DEFA4: variants seen among roughly 807,000 people sequenced by gnomAD.
DEFA4 encodes corticostatin.
A neutral mutation model predicts 4.4 loss-of-function variants in DEFA4; 8 were observed. That is an observed-to-expected ratio of 1.82 (90% CI 1.07 to 3.29). DEFA4 has a LOEUF of 3.29. Among genes scored for constraint, DEFA4 ranks in the 30% most tolerant of loss-of-function variants. The pLI, the probability that DEFA4 is intolerant of heterozygous loss-of-function variation, is 0.00. For missense variants in DEFA4, 216 were observed against 127.0 expected, an observed-to-expected ratio of 1.70 and a Z score of -3.37; for synonymous variants, 77 against 46.5, an observed-to-expected ratio of 1.66 and a Z score of -2.67.
rs541236824 is a variant in DEFA4, at chr8:6,936,828, T to G, written c.72A>C (p.Ala24=). Residue 24 remains alanine, a synonymous_variant, in exon 2 of 3, where the codon GCA becomes GCC. Coordinates refer to ENST00000297435, the MANE Select transcript of DEFA4 (RefSeq NM_001925.3). ...CCTGGCCTGGAGCCTCATCACCTCT[T>G]GCCTGGAGTGGGCCTGCCCGGACCT... ...ALQVRAGPLQ[A]RGDEAPGQEQ... is the part of the protein sequence containing the mutation. 6.2e-7 allele frequency: 1 copy of G among 1,613,718 alleles called. No individual in the cohort carries two copies. Among genetic ancestry groups the G allele is most frequent in the South Asian group, 1.1e-5 (1 of 90,846 alleles).
In DEFA4 at chr8:6,937,891, C is replaced by T. The variant is rs530355910; in HGVS notation, c.-13+335G>A. On this transcript the variant is annotated intron_variant, in intron 1 of 2. Transcript: ENST00000297435. Reference sequence around the variant, plus strand: ...CTGAATACATAAGGAAGTCAAACAACTCAATAGCAAAAAACAAACAACCTG... The same window carrying T: ...CTGAATACATAAGGAAGTCAAACAATTCAATAGCAAAAAACAAACAACCTG... Among the ~76,000 whole-genome samples, 3 of 152,254 alleles carry T rather than the reference C, an allele frequency of 2.0e-5. No homozygotes were observed. In the South Asian group the frequency reaches 6.2e-4, roughly 32 times the overall value.
At chr8:6,936,253 T>G (rs1420520712) in intron 2 of DEFA4, 112 bp from the exon 3 acceptor site, 1 of 1,401,944 alleles carries the variant, frequency 7.1e-7, no homozygotes, top group African/African-American at 1.4e-5. Flanking sequence ...GCTGCATTAG[T>G]GCCGGTAGCA....
At position 6,935,884 on chromosome 8, in the gene DEFA4, A is replaced by C. The variant is rs964096444; in HGVS notation, c.*136T>G. 43 of 1,201,536 alleles carry C rather than the reference A, an allele frequency of 3.6e-5. No individual in the cohort carries two copies. The highest frequency in any genetic ancestry group is 5.1e-5 in the Non-Finnish European group (42 of 824,460). The allele number at this position is 1,201,536 out of a possible 1,614,324, so 74.4% of individuals were successfully genotyped here. A position where few individuals can be genotyped will look rare whatever the true frequency, so the allele number is the denominator to read the frequency against. On this transcript the variant is annotated 3_prime_UTR_variant, in exon 3 of 3. Coordinates refer to ENST00000297435, the MANE Select transcript of DEFA4 (RefSeq NM_001925.3). ...GTTAAGGACAAAGTATAGGAGAAAC[A>C]ACCATTTCCTGTAGCTCTCAAAGCA...
At chr8:6,937,956 C>G (rs901314564) in intron 1 of DEFA4, among the ~76,000 whole-genome samples, 13 of 152,178 alleles carry the variant, frequency 8.5e-5, no homozygotes, top group African/African-American at 3.1e-4. Context: ...GCTTCTCTCA[C>G]AATAAAATAA....
At position 6,935,996 on chromosome 8, in the gene DEFA4, G is replaced by T. The variant is rs760213234; in HGVS notation, c.*24C>A. Reference sequence around the variant, plus strand: ...CCACCGATGATGGCGTTCCCAGCATGACATTCTCTTGGACAGCAGAACGTT... The same window carrying T: ...CCACCGATGATGGCGTTCCCAGCATTACATTCTCTTGGACAGCAGAACGTT... On this transcript the variant is annotated 3_prime_UTR_variant, in exon 3 of 3. Transcript: ENST00000297435. 6 of 1,612,924 alleles carry T rather than the reference G, an allele frequency of 3.7e-6. No individual in the cohort carries two copies. Among genetic ancestry groups the T allele is most frequent in the South Asian group, 1.1e-5 (1 of 90,926 alleles).
rs61749084 is a variant in DEFA4 at position 6,936,888 on chromosome 8, G to T, written c.12C>A (p.Ile4=). 252 of 1,605,256 alleles carry T rather than the reference G, an allele frequency of 1.6e-4. 2 individuals are homozygous for T. The African/African-American group carries it at 2.8e-3, about 18-fold the overall frequency. The change falls in exon 2 of 3, where the codon ATC becomes ATA. Residue 4 remains isoleucine (I), a synonymous_variant. Transcript: ENST00000297435. MRI[I]ALLAAILLVA... is the part of the protein sequence containing the mutation. ...CCAAGAGAATAGCAGCGAGGAGGGC[G>T]ATAATCCTCATGGCTGGGGTGACCT...
intron 1 of DEFA4, among the ~76,000 whole-genome samples, chr8:6,937,938 C>T (rs1281001023): frequency 2.0e-5 from 3 of 152,156 alleles, no homozygotes; most frequent in African/African-American, 2.4e-5. Context: ...GACCTAGGAC[C>T]TGCAGAGGCT....
At chr8:6,936,177 C>G (rs1288273783) in intron 2 of DEFA4, 36 bp from the exon 3 acceptor site, 3 of 1,610,706 alleles carry the variant, frequency 1.9e-6, no homozygotes, top group Admixed American at 1.7e-5. Flanking sequence ...AATTAAGCAC[C>G]AAGGTCAGCG....
Position 6,935,944 on chromosome 8 carries a change from C to G in DEFA4, c.*76G>C. On this transcript the variant is annotated 3_prime_UTR_variant, in exon 3 of 3. Transcript: ENST00000297435. ...CTCATTTTTCTCTATTCTGCAAGCT[C>G]AGCTGCAGAAGCATGTGAAGCTAAC... 1 of 1,598,162 alleles carries G rather than the reference C, an allele frequency of 6.3e-7. No homozygotes were observed. Among genetic ancestry groups the G allele is most frequent in the South Asian group, 1.1e-5 (1 of 89,942 alleles).
intron 1 of DEFA4, among the ~76,000 whole-genome samples, 188 bp downstream of exon 1, chr8:6,938,038 T>G (rs753128317): frequency 2.1e-4 from 32 of 152,170 alleles, no homozygotes; most frequent in Non-Finnish European, 4.0e-4. Flanking sequence ...GGAAACTTTT[T>G]GAGTTTCTCT....
At chr8:6,937,462 A>C (rs1808905001) in intron 1 of DEFA4, among the ~76,000 whole-genome samples, 1 of 152,106 alleles carries the variant, frequency 6.6e-6, no homozygotes, top group African/African-American at 2.4e-5. Flanking sequence ...TGAAGAGGAC[A>C]ATGACCTTAT....
rs900677712 is a variant in DEFA4 at position 6,935,947 on chromosome 8, C to T, written c.*73G>A. On this transcript the variant is annotated 3_prime_UTR_variant, in exon 3 of 3. Transcript: ENST00000297435. Reference sequence around the variant, plus strand: ...ATTTTTCTCTATTCTGCAAGCTCAGCTGCAGAAGCATGTGAAGCTAACACC... The same window carrying T: ...ATTTTTCTCTATTCTGCAAGCTCAGTTGCAGAAGCATGTGAAGCTAACACC... 1.2e-6 allele frequency: 2 copies of T among 1,602,282 alleles called. No homozygotes were observed. Among genetic ancestry groups the T allele is most frequent in the Non-Finnish European group, 1.7e-6 (2 of 1,170,402 alleles).
chr8:6,936,025 C>T lies in DEFA4; in HGVS notation c.289G>A (p.Asp97Asn), dbSNP rs201104526. The T allele has an allele frequency of 4.3e-5, 69 of 1,613,740 alleles. 1 individual carries two copies. The Middle Eastern group carries it at 5.0e-4, about 12-fold the overall frequency. The change falls in exon 3 of 3, where the codon GAT (aspartate) becomes AAT (asparagine). Residue 97 changes from aspartate to asparagine, a missense_variant. Asp to Asn is a conservative substitution (Grantham distance 23, BLOSUM62 1). Coordinates refer to ENST00000297435, the MANE Select transcript of DEFA4 (RefSeq NM_001925.3). ...VSFTYCCTRV[D>N] ...TTCTCTTGGACAGCAGAACGTTAATCGACACGCGTGCAGCAGTATGTGAAA... is the reference window on the plus strand; with the variant it reads ...TTCTCTTGGACAGCAGAACGTTAATTGACACGCGTGCAGCAGTATGTGAAA...
At position 6,935,863 on chromosome 8, in the gene DEFA4, A is replaced by C; in HGVS notation, c.*157T>G. The C allele has an allele frequency of 3.2e-6, 3 of 941,122 alleles. No homozygotes were observed. In the South Asian group the frequency reaches 4.8e-5, roughly 15 times the overall value. 58.3% of individuals were successfully genotyped at this position (941,122 alleles called of 1,614,324 possible). ...ATATTTAGGATCAAGAAAGATGTTA[A>C]GGACAAAGTATAGGAGAAACAACCA... On this transcript the variant is annotated 3_prime_UTR_variant, in exon 3 of 3. Transcript: ENST00000297435.
intron 2 of DEFA4, 23 bp downstream of exon 2, chr8:6,936,704 CT>C: frequency 6.4e-7 from 1 of 1,565,010 alleles, no homozygotes; most frequent in Non-Finnish European, 8.7e-7. Context: ...GACTCGGTAG[CT>C]TTTTTATGCT....
chr8:6,936,803 C>A lies in DEFA4; in HGVS notation c.97G>T (p.Glu33Ter). The stretch of plus-strand genomic sequence containing the variant: ...TCCTGGTCTTCTGGCCCACGCTGCT[C>A]CTGGCCTGGAGCCTCATCACCTCTT... The part of the protein sequence containing the change: ...QARGDEAPGQ[E>*]QRGPEDQDIS... The change falls in exon 2 of 3, where the codon GAG becomes TAG. Residue 33 changes from glutamate (E) to a stop codon, truncating the protein, a stop_gained. Transcript: ENST00000297435. LOFTEE classifies it high-confidence loss of function. The A allele has an allele frequency of 6.2e-7, 1 of 1,613,796 alleles. No homozygotes were observed. The highest frequency in any genetic ancestry group is 1.3e-5 in the African/African-American group (1 of 75,038).
In DEFA4 at chr8:6,935,875, A is replaced by G; in HGVS notation, c.*145T>C. On this transcript the variant is annotated 3_prime_UTR_variant, in exon 3 of 3. Transcript: ENST00000297435. The stretch of plus-strand genomic sequence containing the variant: ...AAGAAAGATGTTAAGGACAAAGTAT[A>G]GGAGAAACAACCATTTCCTGTAGCT... 1 of 1,065,336 alleles carries G rather than the reference A, an allele frequency of 9.4e-7. No individual in the cohort carries two copies. The highest frequency in any genetic ancestry group is 2.1e-4 in the Middle Eastern group (1 of 4,738). The allele number at this position is 1,065,336 out of a possible 1,614,324, so 66.0% of individuals were successfully genotyped here. A position where few individuals can be genotyped will look rare whatever the true frequency, so the allele number is the denominator to read the frequency against.
Position 6,936,467 on chromosome 8 carries a change from T to C in DEFA4, c.172+261A>G, listed in dbSNP as rs574184380. ...TCCCTATAATATCTACTTGTTTAGATCCAGAAAGAACTGGTCAATCTGTCT... is the reference window on the plus strand; with the variant it reads ...TCCCTATAATATCTACTTGTTTAGACCCAGAAAGAACTGGTCAATCTGTCT... On this transcript the variant is annotated intron_variant, in intron 2 of 2. Coordinates refer to ENST00000297435, the MANE Select transcript of DEFA4 (RefSeq NM_001925.3). Among the ~76,000 whole-genome samples the C allele has an allele frequency of 1.2e-4, 18 of 152,304 alleles. No homozygotes were observed. In the South Asian group the frequency reaches 2.3e-3, roughly 19 times the overall value.
intron 1 of DEFA4, among the ~76,000 whole-genome samples, 197 bp from the exon 2 acceptor site, chr8:6,937,108 T>G (rs992730017): frequency 3.9e-5 from 6 of 152,146 alleles, no homozygotes; most frequent in Non-Finnish European, 8.8e-5. Flanking sequence ...CCAGCTTTCT[T>G]CACAGGAAGC....
Sources: gnomAD v4.1 joint callset for allele counts (sites outside exome capture counted in the v4.1 genomes callset) on GRCh38, gnomAD v4.1.1 for gene constraint, MANE v1.5 for transcripts, NCBI Gene and HGNC (gene_info 2026-07-23, HGNC 2026-07-21) for gene names.